B3GAT3: variants seen among roughly 807,000 people sequenced by gnomAD.
The protein encoded by B3GAT3 is beta-1,3-glucuronyltransferase 3.
A neutral mutation model predicts 33.1 loss-of-function variants in B3GAT3; 19 were observed. That is an observed-to-expected ratio of 0.57 (90% CI 0.40 to 0.84). B3GAT3 has a LOEUF of 0.84. Among genes scored for constraint, B3GAT3 ranks in the 40% least tolerant of loss-of-function variants. The pLI is 0.00. For missense variants in B3GAT3, 344 were observed against 441.5 expected, an observed-to-expected ratio of 0.78 and a Z score of 1.98; for synonymous variants, 167 against 193.5, an observed-to-expected ratio of 0.86 and a Z score of 1.14.
rs140378202 is a variant in B3GAT3, at chr11:62,616,706, C to T, written c.709G>A (p.Val237Met). The T allele has an allele frequency of 1.0e-3, 1,625 of 1,614,186 alleles. 5 individuals are homozygous for T. Among genetic ancestry groups the T allele is most frequent in the South Asian group, 4.3e-3 (388 of 91,080 alleles). Residue 237 changes from valine to methionine, a missense_variant, in exon 4 of 5, where the codon GTG (valine) becomes ATG (methionine). Coordinates refer to ENST00000265471, the MANE Select transcript of B3GAT3 (RefSeq NM_012200.4). Reference protein sequence around the residue: ...EGPQVQDGRVVGFHTAWEPSR... With the variant: ...EGPQVQDGRVMGFHTAWEPSR... ...GGCTCCCATGCTGTGTGGAAGCCCA[C>T]TACCCGGCCGTCCTGTACCTGAGGG...
Position 62,615,654 on chromosome 11 carries a change from A to C in B3GAT3, c.*47T>G. On this transcript the variant is annotated 3_prime_UTR_variant, in exon 5 of 5. Coordinates refer to ENST00000265471, the MANE Select transcript of B3GAT3 (RefSeq NM_012200.4). ...CTGGGCAGGCCTGGGGCCCAGTCCC[A>C]CAAGGTCTGTGCCTGAAAAGAGGTG... 1 of 1,597,036 alleles carries C rather than the reference A, an allele frequency of 6.3e-7. No homozygotes were observed. The highest frequency in any genetic ancestry group is 8.5e-7 in the Non-Finnish European group (1 of 1,173,352).
At chr11:62,621,719 A>T in intron 1 of B3GAT3, 147 bp downstream of exon 1, 1 of 846,144 alleles carries the variant, frequency 1.2e-6, no homozygotes, top group Non-Finnish European at 1.8e-6. Flanking sequence ...GGTGCGTTCT[A>T]TAGAGGGCAG....
At position 62,617,023 on chromosome 11, in the gene B3GAT3, G is replaced by C. The variant is rs200186699; in HGVS notation, c.582C>G (p.Asp194Glu). Residue 194 changes from aspartate (D) to glutamate (E), a missense_variant, in exon 3 of 5, where the codon GAC becomes GAG. Coordinates refer to ENST00000265471, the MANE Select transcript of B3GAT3 (RefSeq NM_012200.4). ...GCTCCCGGCTGTAGGTGTTGTCATC[G>C]TCAGCAAAGTAGACGACTCCTTGGG... Reference protein sequence around the residue: ...PGTQGVVYFADDDNTYSRELF... With the variant: ...PGTQGVVYFAEDDNTYSRELF... 1 of 1,614,186 alleles carries C rather than the reference G, an allele frequency of 6.2e-7. No individual in the cohort carries two copies. Among genetic ancestry groups the C allele is most frequent in the African/African-American group, 1.3e-5 (1 of 75,044 alleles).
At position 62,620,542 on chromosome 11, in the gene B3GAT3, G is replaced by A; in HGVS notation, c.212C>T (p.Pro71Leu). The change falls in exon 2 of 5, where the codon CCC becomes CTC. Residue 71 changes from proline (P) to leucine (L), a missense_variant. Physicochemically the swap from Pro to Leu is moderately conservative, Grantham distance 98. Coordinates refer to ENST00000265471, the MANE Select transcript of B3GAT3 (RefSeq NM_012200.4). Reference sequence around the variant, plus strand: ...AACATAGATAGTAGGCAGGGCCTCGGGTTCAGGGGGCTGGGCAGGGGCAGG... The same window carrying A: ...AACATAGATAGTAGGCAGGGCCTCGAGTTCAGGGGGCTGGGCAGGGGCAGG... ...PPPAPAQPPE[P>L]EALPTIYVVT... 1 of 1,612,996 alleles carries A rather than the reference G, an allele frequency of 6.2e-7. No homozygotes were observed.
At position 62,616,275 on chromosome 11, in the gene B3GAT3, AT is replaced by A. The variant is rs1943025424; in HGVS notation, c.909+230del. The A allele has an allele frequency of 6.4e-6, 4 of 622,964 alleles. No homozygotes were observed. The East Asian group carries it at 1.2e-4, about 18-fold the overall frequency. The allele number at this position is 622,964 out of a possible 1,614,324, so 38.6% of individuals were successfully genotyped here. A position where few individuals can be genotyped will look rare whatever the true frequency, so the allele number is the denominator to read the frequency against. On this transcript the variant is annotated intron_variant, in intron 4 of 4. Transcript: ENST00000265471. ...AAAAAAAAACAACAAACAGGGCCTT[AT>A]TCCTTCATCCTCTCTGTGCCACATG...
intron 3 of B3GAT3, 95 bp downstream of exon 3, chr11:62,616,892 C>T: frequency 2.5e-6 from 4 of 1,612,402 alleles, no homozygotes; most frequent in Non-Finnish European, 3.4e-6. Flanking sequence ...TGCTTCCAGC[C>T]CCTCACCCAG....
At chr11:62,616,453 C>A in intron 4 of B3GAT3, 53 bp downstream of exon 4, 1 of 1,611,758 alleles carries the variant, frequency 6.2e-7, no homozygotes, top group Non-Finnish European at 8.5e-7. Flanking sequence ...GTACCTCCCC[C>A]ATCACCTGTC....
chr11:62,617,076 C>A lies in B3GAT3; in HGVS notation c.529G>T (p.Gly177Trp). The A allele has an allele frequency of 6.2e-7, 1 of 1,614,124 alleles. No homozygotes were observed. Among genetic ancestry groups the A allele is most frequent in the Non-Finnish European group, 8.5e-7 (1 of 1,180,032 alleles). The change falls in exon 3 of 5, where the codon GGG (glycine) becomes TGG (tryptophan). Residue 177 changes from glycine to tryptophan, a missense_variant. Transcript: ENST00000265471. ...CCTGGTGGTGGTGGGTCCTTCTCCCCACCCACAGCACCCCCTCTGCCCCGG... is the reference window on the plus strand; with the variant it reads ...CCTGGTGGTGGTGGGTCCTTCTCCCAACCCACAGCACCCCCTCTGCCCCGG... ...WLRGRGGAVG[G>W]EKDPPPPGTQ... is the part of the protein sequence containing the mutation.
chr11:62,619,803 C>G (rs1216522441), intron 2 of B3GAT3, among the ~76,000 whole-genome samples: 2 of 143,208 alleles, frequency 1.4e-5, no homozygotes, highest in African/African-American at 5.1e-5. Flanking sequence ...CTCGGGCTCC[C>G]AAAGTGCTGG....
At position 62,621,986 on chromosome 11, in the gene B3GAT3, C is replaced by G. The variant is rs1260206322; in HGVS notation, c.-39G>C. The G allele has an allele frequency of 6.2e-7, 1 of 1,610,496 alleles. No individual in the cohort carries two copies. The highest frequency in any genetic ancestry group is 1.7e-5 in the Admixed American group (1 of 59,886). ...CCCGCGCCCGAGCAGGCGGGGTCTG[C>G]AGGGGACGAGGGGTTCCCGCCCCAA... On this transcript the variant is annotated 5_prime_UTR_variant, in exon 1 of 5. Coordinates refer to ENST00000265471, the MANE Select transcript of B3GAT3 (RefSeq NM_012200.4).
At chr11:62,620,318 C>T (rs1376933329) in intron 2 of B3GAT3, among the ~76,000 whole-genome samples, 179 bp downstream of exon 2, 2 of 152,242 alleles carry the variant, frequency 1.3e-5, no homozygotes, top group African/African-American at 2.4e-5. Context: ...CCACCACACC[C>T]AGCCTGAAAA....
intron 1 of B3GAT3, chr11:62,621,045 TTTCAAATACCTGAGGA>T (rs1235353242): frequency 1.2e-5 from 6 of 486,120 alleles, no homozygotes; most frequent in African/African-American, 7.8e-5. Flanking sequence ...TTGGACAGTC[TTTCAAATACCTGAGGA>T]TAACGCAGTG....
At chr11:62,615,849 T>C (rs1943011663) in intron 4 of B3GAT3, 50 bp from the exon 5 acceptor site, 3 of 1,601,962 alleles carry the variant, frequency 1.9e-6, no homozygotes, top group Non-Finnish European at 1.7e-6. Flanking sequence ...CAGCCAGGCC[T>C]CTGGGTCCCC....
chr11:62,619,024 G>A (rs536945283), intron 2 of B3GAT3, among the ~76,000 whole-genome samples: 1 of 150,398 alleles, frequency 6.6e-6, no homozygotes, highest in East Asian at 2.0e-4. Context: ...GGTGGTGCAC[G>A]CCTGTAATCC....
At chr11:62,619,175 GA>G (rs35210758) in intron 2 of B3GAT3, among the ~76,000 whole-genome samples, 92,885 of 145,376 alleles carry the variant, frequency 0.64, 29,779 homozygotes, top group East Asian at 0.92. Context: ...GCGGGGGGAA[GA>G]AAAAAAAAAA....
At chr11:62,617,392 T>A (rs1943056150) in intron 2 of B3GAT3, 45 bp from the exon 3 acceptor site, 1 of 1,604,864 alleles carries the variant, frequency 6.2e-7, no homozygotes. Context: ...CAGGCACCAT[T>A]TGCCTGCTCC....
chr11:62,620,745 C>A, intron 1 of B3GAT3, 74 bp from the exon 2 acceptor site: 3 of 1,417,926 alleles, frequency 2.1e-6, no homozygotes, highest in Non-Finnish European at 2.9e-6. Flanking sequence ...TCCCAAAGGG[C>A]CGTAATCGTC....
At position 62,615,566 on chromosome 11, in the gene B3GAT3, T is replaced by TCCAGGCCCA; in HGVS notation, c.*134_*135insTGGGCCTGG. 6.8e-7 allele frequency: 1 copy of TCCAGGCCCA among 1,469,368 alleles called. No individual in the cohort carries two copies. The highest frequency in any genetic ancestry group is 2.5e-5 in the East Asian group (1 of 40,460). The allele number at this position is 1,469,368 out of a possible 1,614,324, so 91.0% of individuals were successfully genotyped here. ...GGGGTGAAGCAGCAGGACCATGCCCTGGGCCTGGAGGGGCAGAGGGGCCAC... is the reference window on the plus strand; with the variant it reads ...GGGGTGAAGCAGCAGGACCATGCCCTCCAGGCCCAGGGCCTGGAGGGGCAGAGGGGCCAC... On this transcript the variant is annotated 3_prime_UTR_variant, in exon 5 of 5. Coordinates refer to ENST00000265471, the MANE Select transcript of B3GAT3 (RefSeq NM_012200.4).
At chr11:62,619,358 C>G (rs1337167957) in intron 2 of B3GAT3, among the ~76,000 whole-genome samples, 1 of 152,070 alleles carries the variant, frequency 6.6e-6, no homozygotes, top group Non-Finnish European at 1.5e-5. Context: ...TGTATTAACA[C>G]CCTTATGGCT....
Sources: gnomAD v4.1 joint callset for allele counts (sites outside exome capture counted in the v4.1 genomes callset) on GRCh38, gnomAD v4.1.1 for gene constraint, MANE v1.5 for transcripts, NCBI Gene and HGNC (gene_info 2026-07-23, HGNC 2026-07-21) for gene names.